ADGRB1: variants seen among roughly 807,000 people sequenced by gnomAD.
ADGRB1 encodes adhesion G protein-coupled receptor B1.
Under a neutral mutation model 175.7 loss-of-function variants are expected in ADGRB1, and 36 were observed. The observed-to-expected ratio is 0.20, with a 90% CI of 0.16 to 0.27. The LOEUF is 0.27. ADGRB1 is among the 10% of genes least tolerant of loss of function. ADGRB1 has a pLI of 1.00. For synonymous variants in ADGRB1, 1,054 were observed against 979.4 expected (o/e 1.08, Z -1.42); for missense variants, 1,731 against 2,255.3 (o/e 0.77, Z 4.71).
In ADGRB1 at chr8:142,525,228, C is replaced by T. The variant is rs775098250; in HGVS notation, c.3312+924C>T. 2.6e-5 allele frequency among the ~76,000 whole-genome samples: 4 copies of T among 152,110 alleles called. No individual in the cohort carries two copies. In the East Asian group the frequency reaches 7.8e-4, roughly 30 times the overall value. On this transcript the variant is annotated intron_variant, in intron 23 of 30. Coordinates refer to ENST00000517894, the MANE Select transcript of ADGRB1 (RefSeq NM_001702.3). The stretch of plus-strand genomic sequence containing the variant: ...TTGGGCAGCCCCAGACCCCTCCCCA[C>T]AGCCCTGGCTGTGGGATCCTACCTT...
intron 21 of ADGRB1, among the ~76,000 whole-genome samples, 191 bp from the exon 22 acceptor site, chr8:142,522,450 C>G (rs1307840585): frequency 3.3e-5 from 5 of 152,218 alleles, no homozygotes; most frequent in African/African-American, 1.2e-4. Flanking sequence ...GCTCATTGGA[C>G]CACCCTGCGC....
intron 1 of ADGRB1, among the ~76,000 whole-genome samples, chr8:142,461,877 G>A (rs2131661451): frequency 1.3e-5 from 2 of 152,292 alleles, no homozygotes; most frequent in South Asian, 2.1e-4. Context: ...CACCAGGTGG[G>A]ACTGGCACTC....
At position 142,543,988 on chromosome 8, in the gene ADGRB1, C is replaced by T. The variant is rs766864696; in HGVS notation, c.4558-232C>T. 2.0e-5 allele frequency among the ~76,000 whole-genome samples: 3 copies of T among 152,102 alleles called. No homozygotes were observed. Among genetic ancestry groups the T allele is most frequent in the Non-Finnish European group, 2.9e-5 (2 of 68,006 alleles). ...CCAGGGCAGGGTCCCCACAGCCTGACCCGACCGTGGGGTTCGCAACCTCTG... is the reference window on the plus strand; with the variant it reads ...CCAGGGCAGGGTCCCCACAGCCTGATCCGACCGTGGGGTTCGCAACCTCTG... On this transcript the variant is annotated intron_variant, in intron 30 of 30. Transcript: ENST00000517894. This position sits in a 1 kb window ranked among gnomAD's most constrained non-coding sequence, Gnocchi z 4.4.
At chr8:142,525,370 C>T (rs1844113389) in intron 23 of ADGRB1, among the ~76,000 whole-genome samples, 1 of 148,846 alleles carries the variant, frequency 6.7e-6, no homozygotes, top group African/African-American at 2.5e-5. Flanking sequence ...CCACCCTGTA[C>T]ACCCCTCCCC....
chr8:142,530,312 CA>C (rs1563746183), intron 24 of ADGRB1, among the ~76,000 whole-genome samples: 1 of 152,086 alleles, frequency 6.6e-6, no homozygotes, highest in East Asian at 1.9e-4. Flanking sequence ...GGTTCAGGGT[CA>C]GGGGCTGATC....
At chr8:142,456,597 GCA>G (rs2131630723) in intron 1 of ADGRB1, among the ~76,000 whole-genome samples, 1 of 152,338 alleles carries the variant, frequency 6.6e-6, no homozygotes, top group Non-Finnish European at 1.5e-5. Context: ...CATATGTGCA[GCA>G]CACACGGCCA....
intron 24 of ADGRB1, among the ~76,000 whole-genome samples, chr8:142,529,507 T>C (rs1051762075): frequency 6.6e-6 from 1 of 152,200 alleles, no homozygotes; most frequent in African/African-American, 2.4e-5. Flanking sequence ...TGCAAGTGTA[T>C]GTGTACATGT....
chr8:142,524,974 C>G (rs558349263), intron 23 of ADGRB1, among the ~76,000 whole-genome samples: 1 of 152,224 alleles, frequency 6.6e-6, no homozygotes, highest in Admixed American at 6.5e-5. Flanking sequence ...CACCAGGGTT[C>G]ACACCCACCC....
intron 20 of ADGRB1, among the ~76,000 whole-genome samples, chr8:142,521,470 G>T (rs1056570401): frequency 6.6e-6 from 1 of 152,224 alleles, no homozygotes; most frequent in African/African-American, 2.4e-5. Context: ...TCCTCAAGGG[G>T]CCACGCTGAC....
intron 1 of ADGRB1, among the ~76,000 whole-genome samples, chr8:142,454,195 C>T (rs1022870272): frequency 1.3e-5 from 2 of 152,186 alleles, no homozygotes; most frequent in Admixed American, 6.5e-5. Context: ...GCCGCTGCCA[C>T]GCCCACAGCT....
rs376181018 is a variant in ADGRB1 at position 142,543,858 on chromosome 8, G to A, written c.4557+150G>A. ...TTCATTCGCCCATCCCTGAGGGCTG[G>A]CCTGACCCTGCCATGCCAGACTCTG... On this transcript the variant is annotated intron_variant, in intron 30 of 30. Coordinates refer to ENST00000517894, the MANE Select transcript of ADGRB1 (RefSeq NM_001702.3). The surrounding 1 kb of genome is among the most constrained non-coding windows in gnomAD (Gnocchi z 4.4). The A allele has an allele frequency of 1.3e-5, 11 of 863,674 alleles. No individual in the cohort carries two copies. The African/African-American group carries it at 1.7e-4, about 13-fold the overall frequency. 53.5% of individuals were successfully genotyped at this position (863,674 alleles called of 1,614,324 possible).
chr8:142,522,397 T>C (rs1843902766), intron 21 of ADGRB1, among the ~76,000 whole-genome samples: 1 of 152,226 alleles, frequency 6.6e-6, no homozygotes, highest in South Asian at 2.1e-4. Flanking sequence ...TGATTCCTGA[T>C]TTCTCTGCGA....
chr8:142,475,698 GA>G lies in ADGRB1; in HGVS notation c.946+64del, dbSNP rs1186046972. ...GAGAGGCGGGGCCTGTGAGGGAGGA[GA>G]GGGGGGTGGGGCCCTGGAGAGGAGG... is the stretch of plus-strand genomic sequence containing the variant. On this transcript the variant is annotated intron_variant, in intron 3 of 30. Transcript: ENST00000517894. 1.3e-5 allele frequency: 15 copies of G among 1,198,362 alleles called. No homozygotes were observed. In the Admixed American group the frequency reaches 1.8e-4, roughly 14 times the overall value. 74.2% of individuals were successfully genotyped at this position (1,198,362 alleles called of 1,614,324 possible). A position where few individuals can be genotyped will look rare whatever the true frequency, so the allele number is the denominator to read the frequency against.
intron 2 of ADGRB1, among the ~76,000 whole-genome samples, chr8:142,470,409 C>T (rs1451851193): frequency 6.6e-6 from 1 of 151,892 alleles, no homozygotes; most frequent in African/African-American, 2.4e-5. Context: ...GTGTGTGTGT[C>T]CCTATGTGTC....
chr8:142,543,282 C>A lies in ADGRB1; in HGVS notation c.4414-121C>A. On this transcript the variant is annotated intron_variant, in intron 28 of 30. Coordinates refer to ENST00000517894, the MANE Select transcript of ADGRB1 (RefSeq NM_001702.3). This position sits in a 1 kb window ranked among gnomAD's most constrained non-coding sequence, Gnocchi z 4.4. Reference sequence around the variant, plus strand: ...CCCCAGGCATGTCCCCTGGGTCTGGCCTGGTCCCTGAAGGCAGGCATGGGG... The same window carrying A: ...CCCCAGGCATGTCCCCTGGGTCTGGACTGGTCCCTGAAGGCAGGCATGGGG... The A allele has an allele frequency of 2.2e-6, 3 of 1,353,990 alleles. No homozygotes were observed. Among genetic ancestry groups the A allele is most frequent in the Non-Finnish European group, 3.1e-6 (3 of 973,140 alleles). 83.9% of individuals were successfully genotyped at this position (1,353,990 alleles called of 1,614,324 possible). A position where few individuals can be genotyped will look rare whatever the true frequency, so the allele number is the denominator to read the frequency against.
Position 142,464,041 on chromosome 8 carries a change from C to T in ADGRB1, c.-158C>T. On this transcript the variant is annotated 5_prime_UTR_variant, in exon 2 of 31. Coordinates refer to ENST00000517894, the MANE Select transcript of ADGRB1 (RefSeq NM_001702.3). ...GGACTTTAGAAGCCGTTGCTGCCCTCTCTGTCACCTGAAGCGGGGCCCTCT... is the reference window on the plus strand; with the variant it reads ...GGACTTTAGAAGCCGTTGCTGCCCTTTCTGTCACCTGAAGCGGGGCCCTCT... 1 of 615,820 alleles carries T rather than the reference C, an allele frequency of 1.6e-6. No individual in the cohort carries two copies. Among genetic ancestry groups the T allele is most frequent in the Non-Finnish European group, 2.3e-6 (1 of 433,244 alleles). The allele number at this position is 615,820 out of a possible 1,614,324, so 38.1% of individuals were successfully genotyped here. A position where few individuals can be genotyped will look rare whatever the true frequency, so the allele number is the denominator to read the frequency against.
intron 17 of ADGRB1, among the ~76,000 whole-genome samples, chr8:142,496,195 G>A (rs1452654150): frequency 6.6e-6 from 1 of 151,628 alleles, no homozygotes; most frequent in East Asian, 1.9e-4. Context: ...GTGGATGGAG[G>A]TATGGGTGGA....
At position 142,544,472 on chromosome 8, in the gene ADGRB1, G is replaced by A. The variant is rs553202826; in HGVS notation, c.*55G>A. The A allele has an allele frequency of 1.3e-5, 18 of 1,414,544 alleles. No individual in the cohort carries two copies. The East Asian group carries it at 1.6e-4, about 13-fold the overall frequency. 87.6% of individuals were successfully genotyped at this position (1,414,544 alleles called of 1,614,324 possible). A position where few individuals can be genotyped will look rare whatever the true frequency, so the allele number is the denominator to read the frequency against. On this transcript the variant is annotated 3_prime_UTR_variant, in exon 31 of 31. Transcript: ENST00000517894. ...ACGGAGGAGGGATGCTGCTCCGCCCGCTCCTGCCGCAGACGGGCACAGACA... is the reference window on the plus strand; with the variant it reads ...ACGGAGGAGGGATGCTGCTCCGCCCACTCCTGCCGCAGACGGGCACAGACA...
Position 142,489,112 on chromosome 8 carries a change from T to G in ADGRB1, c.2528+2T>G. ...GGGCAGCTTCCTGGCCCTGCAGAGGTGGGGAGCCCTGGGCAGGTGGGGTGG... is the reference window on the plus strand; with the variant it reads ...GGGCAGCTTCCTGGCCCTGCAGAGGGGGGGAGCCCTGGGCAGGTGGGGTGG... On this transcript the variant is annotated splice_donor_variant, in intron 15 of 30. Transcript: ENST00000517894. LOFTEE classifies it high-confidence loss of function. 6.3e-7 allele frequency: 1 copy of G among 1,598,688 alleles called. No individual in the cohort carries two copies.
Sources: allele counts gnomAD v4.1 joint callset (sites outside exome capture counted in the v4.1 genomes callset), GRCh38; gene constraint gnomAD v4.1.1; non-coding constraint Gnocchi (gnomAD v3.1); transcripts MANE v1.5; gene names NCBI Gene and HGNC (gene_info 2026-07-23, HGNC 2026-07-21).